PDE11A: variants seen among roughly 807,000 people sequenced by gnomAD.
PDE11A encodes phosphodiesterase 11A.
A neutral mutation model predicts 100.5 loss-of-function variants in PDE11A; 100 were observed. The ratio of observed to expected loss-of-function variants is 1.00; its 90% CI spans 0.85 to 1.18. The LOEUF (loss-of-function observed/expected upper bound fraction) is 1.18. PDE11A is among the 50% of genes most tolerant of loss of function. PDE11A has a pLI of 0.00. For missense variants in PDE11A, 1,141 were observed against 1,152.6 expected, an observed-to-expected ratio of 0.99 and a Z score of 0.15; for synonymous variants, 381 against 420.8, an observed-to-expected ratio of 0.91 and a Z score of 1.16.
In PDE11A at chr2:177,986,807, G is replaced by A. The variant is rs375745609; in HGVS notation, c.1071+27495C>T. The stretch of plus-strand genomic sequence containing the variant: ...GATCGTGTCACTGCACTCCAGCCTA[G>A]GCAACAGAGTGAGACTCCATCTCAA... On this transcript the variant is annotated intron_variant, in intron 2 of 19. Transcript: ENST00000286063. 1.3e-4 allele frequency among the ~76,000 whole-genome samples: 19 copies of A among 150,398 alleles called. No individual in the cohort carries two copies. In the East Asian group the frequency reaches 2.9e-3, roughly 23 times the overall value.
At chr2:177,672,054 C>CGGT (rs1467855398) in intron 17 of PDE11A, among the ~76,000 whole-genome samples, 38 of 152,118 alleles carry the variant, frequency 2.5e-4, no homozygotes, top group African/African-American at 8.7e-4. Flanking sequence ...GAGCCTCCCC[C>CGGT]AGTACTACAC....
At chr2:177,941,086 G>A (rs2105772736) in intron 2 of PDE11A, among the ~76,000 whole-genome samples, 1 of 152,290 alleles carries the variant, frequency 6.6e-6, no homozygotes, top group East Asian at 1.9e-4. Flanking sequence ...CAGCTTTCCT[G>A]CCAGCACTCG....
At chr2:177,905,021 T>G (rs890797360) in intron 3 of PDE11A, 77 bp downstream of exon 3, 14 of 825,790 alleles carry the variant, frequency 1.7e-5, no homozygotes, top group Non-Finnish European at 2.2e-6. Flanking sequence ...TCATTGGCTG[T>G]TTTTAAAAGA....
chr2:177,714,648 G>C (rs1233230063), intron 12 of PDE11A, among the ~76,000 whole-genome samples: 1 of 152,206 alleles, frequency 6.6e-6, no homozygotes, highest in Non-Finnish European at 1.5e-5. Context: ...GTGATCCACA[G>C]AGCTTTCCTA....
At chr2:177,811,769 CAT>C (rs113028541) in intron 9 of PDE11A, among the ~76,000 whole-genome samples, 2 of 152,148 alleles carry the variant, frequency 1.3e-5, no homozygotes, top group African/African-American at 2.4e-5. Context: ...TCTGCAGATA[CAT>C]GTATAGTAAC....
intron 6 of PDE11A, among the ~76,000 whole-genome samples, chr2:177,837,787 G>C (rs2083428823): frequency 6.6e-6 from 1 of 152,108 alleles, no homozygotes; most frequent in Non-Finnish European, 1.5e-5. Flanking sequence ...GAGGCTTGTT[G>C]GTTTCACCTG....
intron 2 of PDE11A, among the ~76,000 whole-genome samples, chr2:177,950,259 C>T (rs1371451687): frequency 6.6e-6 from 1 of 151,924 alleles, no homozygotes; most frequent in Admixed American, 6.6e-5. Context: ...CTCTCCAGAG[C>T]TCAATTTGCT....
rs886093617 is a variant in PDE11A at position 177,624,195 on chromosome 2, A to G, written c.*5212T>C. ...AACTTCATTACAGTGGCATTGCCAG[A>G]GTTTTTAGGGTCCCAAATTAGGTTT... On this transcript the variant is annotated 3_prime_UTR_variant, in exon 20 of 20. Transcript: ENST00000286063. The G allele has an allele frequency of 2.0e-5, 3 of 151,354 alleles. No homozygotes were observed. Among genetic ancestry groups the G allele is most frequent in the African/African-American group, 7.3e-5 (3 of 41,234 alleles). 9.4% of individuals were successfully genotyped at this position (151,354 alleles called of 1,614,324 possible). A position where few individuals can be genotyped will look rare whatever the true frequency, so the allele number is the denominator to read the frequency against.
upstream of PDE11A, among the ~76,000 whole-genome samples, chr2:178,073,395 A>G (rs1383172398): frequency 2.6e-5 from 4 of 152,226 alleles, no homozygotes; most frequent in Non-Finnish European, 4.4e-5. Flanking sequence ...GGGCAGAGAC[A>G]GATTACACAG....
intron 2 of PDE11A, among the ~76,000 whole-genome samples, chr2:177,994,657 T>C (rs138851009): frequency 6.6e-6 from 1 of 152,214 alleles, no homozygotes; most frequent in Non-Finnish European, 1.5e-5. Context: ...CTTGACCCAA[T>C]GATCTGTGCA....
At chr2:177,657,905 G>A (rs939654021) in intron 19 of PDE11A, among the ~76,000 whole-genome samples, 3 of 152,212 alleles carry the variant, frequency 2.0e-5, no homozygotes, top group Admixed American at 2.0e-4. Context: ...GTTCATGGGT[G>A]CCCCAGGGGG....
At chr2:177,983,264 T>G (rs1215116710) in intron 2 of PDE11A, among the ~76,000 whole-genome samples, 1 of 152,124 alleles carries the variant, frequency 6.6e-6, no homozygotes, top group Non-Finnish European at 1.5e-5. Context: ...AAATAGTGAT[T>G]AAAAACAAAT....
chr2:177,701,197 A>G lies in PDE11A; in HGVS notation c.2168T>C (p.Leu723Pro), dbSNP rs994758500. 4.4e-6 allele frequency: 7 copies of G among 1,581,672 alleles called. No homozygotes were observed. The highest frequency in any genetic ancestry group is 6.1e-6 in the Non-Finnish European group (7 of 1,150,618). Reference protein sequence around the residue: ...NAFQAKSGSALAQLYGTSATL... With the variant: ...NAFQAKSGSAPAQLYGTSATL... ...AGCAGAGGTTCCATAGAGTTGGGCC[A>G]GGGCAGAGCCACTCCTGAAAGAGGA... The change falls in exon 14 of 20, where the codon CTG (leucine) becomes CCG (proline). Residue 723 changes from leucine to proline, a missense_variant. Physicochemically the swap from Leu to Pro is moderately conservative, Grantham distance 98. Transcript: ENST00000286063.
chr2:177,885,435 TG>T (rs2105710438), intron 4 of PDE11A, among the ~76,000 whole-genome samples: 1 of 152,282 alleles, frequency 6.6e-6, no homozygotes, highest in African/African-American at 2.4e-5. Context: ...ATCCATGCGC[TG>T]TCCTGGAACC....
chr2:177,928,638 C>A (rs1440726031), intron 2 of PDE11A, among the ~76,000 whole-genome samples: 3 of 152,192 alleles, frequency 2.0e-5, no homozygotes, highest in African/African-American at 7.2e-5. Flanking sequence ...TAGCCAGGCA[C>A]AATGGCTCAT....
intron 2 of PDE11A, among the ~76,000 whole-genome samples, chr2:178,094,197 C>T (rs2087459600): frequency 6.6e-6 from 1 of 152,010 alleles, no homozygotes; most frequent in Non-Finnish European, 1.5e-5. Context: ...CAAACACACA[C>T]ACACCACATA....
Position 177,724,869 on chromosome 2 carries a change from G to A in PDE11A, c.2043+2789C>T, listed in dbSNP as rs561135591. Among the ~76,000 whole-genome samples, 2 of 152,164 alleles carry A rather than the reference G, an allele frequency of 1.3e-5. 1 individual carries two copies. Among genetic ancestry groups the A allele is most frequent in the South Asian group, 4.1e-4 (2 of 4,820 alleles). On this transcript the variant is annotated intron_variant, in intron 12 of 19. Transcript: ENST00000286063. ...TGCCTTGGAGCGCCATCTAGAGGAA[G>A]CCTCAGCACACACACGCTGTGCTTT...
At chr2:177,908,105 A>T (rs1306392949) in intron 2 of PDE11A, among the ~76,000 whole-genome samples, 1 of 152,198 alleles carries the variant, frequency 6.6e-6, no homozygotes, top group Admixed American at 6.5e-5. Flanking sequence ...TAACCCTAAG[A>T]TCTACCTTCT....
At position 177,660,116 on chromosome 2, in the gene PDE11A, TTTCTTTCTTTCTTTCA is replaced by T. The variant is rs1559130819; in HGVS notation, c.2646+3734_2646+3749del. Among the ~76,000 whole-genome samples the T allele has an allele frequency of 9.3e-4, 96 of 103,240 alleles. 3 individuals carry two copies. The Middle Eastern group carries it at 0.019, about 20-fold the overall frequency. 67.7% of individuals were successfully genotyped at this position (103,240 alleles called of 152,430 possible). On this transcript the variant is annotated intron_variant, in intron 19 of 19. Transcript: ENST00000286063. ...CTTTCTTTCTCTCTCTCTCTCTTTCTTTCTTTCTTTCTTTCATTCCTTCTCTCTCTTTCTTTCTTCT... is the reference window on the plus strand; with the variant it reads ...CTTTCTTTCTCTCTCTCTCTCTTTCTTTCCTTCTCTCTCTTTCTTTCTTCT...
Sources: gnomAD v4.1 joint callset for allele counts (sites outside exome capture counted in the v4.1 genomes callset) on GRCh38, gnomAD v4.1.1 for gene constraint, MANE v1.5 for transcripts, NCBI Gene and HGNC (gene_info 2026-07-23, HGNC 2026-07-21) for gene names.